TMEM232: variants seen among roughly 807,000 people sequenced by gnomAD.
The protein encoded by TMEM232 is transmembrane protein 232.
Under a neutral mutation model 78.8 loss-of-function variants are expected in TMEM232, and 80 were observed. The observed-to-expected ratio is 1.01, with a 90% CI of 0.85 to 1.22. The LOEUF (loss-of-function observed/expected upper bound fraction) is 1.22. Among genes scored for constraint, TMEM232 ranks in the 50% most tolerant of loss-of-function variants. The pLI is 0.00. For missense variants in TMEM232, 881 were observed against 742.2 expected, an observed-to-expected ratio of 1.19 and a Z score of -2.17; for synonymous variants, 297 against 254.3, an observed-to-expected ratio of 1.17 and a Z score of -1.60.
chr5:110,565,000 C>A (rs1776176714), intron 11 of TMEM232, among the ~76,000 whole-genome samples: 1 of 151,866 alleles, frequency 6.6e-6, no homozygotes, highest in African/African-American at 2.4e-5. Flanking sequence ...TGTAAGAAAC[C>A]AACACAATAA....
chr5:110,468,705 G>A (rs1438875921), intron 12 of TMEM232, among the ~76,000 whole-genome samples: 1 of 152,058 alleles, frequency 6.6e-6, no homozygotes, highest in African/African-American at 2.4e-5. Flanking sequence ...CTTAATAGAT[G>A]AATGAACATA....
At chr5:110,681,860 C>A (rs975240015) in intron 1 of TMEM232, among the ~76,000 whole-genome samples, 1 of 152,160 alleles carries the variant, frequency 6.6e-6, no homozygotes, top group African/African-American at 2.4e-5. Context: ...CATAACATTT[C>A]ATTCCTTCTC....
At chr5:110,598,946 G>T (rs1486479946) in intron 10 of TMEM232, among the ~76,000 whole-genome samples, 2 of 150,994 alleles carry the variant, frequency 1.3e-5, no homozygotes, top group Non-Finnish European at 3.0e-5. Context: ...CACCAGCATG[G>T]CACATGTATA....
At chr5:110,526,952 C>T (rs1770697630) in intron 12 of TMEM232, among the ~76,000 whole-genome samples, 1 of 151,406 alleles carries the variant, frequency 6.6e-6, no homozygotes, top group African/African-American at 2.4e-5. Flanking sequence ...ATGCAAGATG[C>T]CAAATATTAT....
intron 1 of TMEM232, among the ~76,000 whole-genome samples, chr5:110,673,648 A>G (rs1371684168): frequency 2.0e-5 from 3 of 152,144 alleles, no homozygotes; most frequent in African/African-American, 7.2e-5. Context: ...TATGAGGTAG[A>G]AGTTGGGCTG....
chr5:110,640,889 A>G lies in TMEM232; in HGVS notation c.343+2T>C, dbSNP rs1272103940. ...TGCCTAATAAGAATTTAAAGTACGT[A>G]CCATCTTGGATTTCCCCTTTGCATT... On this transcript the variant is annotated splice_donor_variant, in intron 4 of 13. Coordinates refer to ENST00000455884, the MANE Select transcript of TMEM232 (RefSeq NM_001039763.4). LOFTEE classifies it high-confidence loss of function. The G allele has an allele frequency of 7.3e-6, 11 of 1,511,556 alleles. No individual in the cohort carries two copies. Among genetic ancestry groups the G allele is most frequent in the Non-Finnish European group, 9.8e-6 (11 of 1,125,680 alleles). 93.6% of individuals were successfully genotyped at this position (1,511,556 alleles called of 1,614,324 possible).
At chr5:110,590,201 G>A (rs1779333045) in intron 10 of TMEM232, among the ~76,000 whole-genome samples, 1 of 152,128 alleles carries the variant, frequency 6.6e-6, no homozygotes, top group African/African-American at 2.4e-5. Context: ...ATAGCCATTT[G>A]ACTCTGTGAA....
At position 110,455,380 on chromosome 5, in the gene TMEM232, C is replaced by CA. The variant is rs1554081774; in HGVS notation, c.1704-30465_1704-30464insT. Among the ~76,000 whole-genome samples, 46 of 142,938 alleles carry CA rather than the reference C, an allele frequency of 3.2e-4. 1 individual carries two copies. The highest frequency in any genetic ancestry group is 1.2e-3 in the African/African-American group (46 of 39,168). 93.8% of individuals were successfully genotyped at this position (142,938 alleles called of 152,430 possible). On this transcript the variant is annotated intron_variant, in intron 12 of 13. Coordinates refer to ENST00000455884, the MANE Select transcript of TMEM232 (RefSeq NM_001039763.4). ...TATTTCTCATGAAAGTAGATATAAA[C>CA]TTTTTTTTTTTTTTTGAGATGGAGT...
intron 2 of TMEM232, among the ~76,000 whole-genome samples, chr5:110,403,035 AAAAG>A (rs1426870317): frequency 6.6e-6 from 1 of 152,086 alleles, no homozygotes; most frequent in African/African-American, 2.4e-5. Flanking sequence ...AACAAAAAGA[AAAAG>A]AAAAGAAGAC....
intron 3 of TMEM232, among the ~76,000 whole-genome samples, chr5:110,392,732 A>G (rs1407315429): frequency 6.6e-6 from 1 of 152,100 alleles, no homozygotes; most frequent in Non-Finnish European, 1.5e-5. Context: ...TCCAAATACC[A>G]CCATATTGTG....
chr5:110,547,273 G>A (rs1444774256), intron 11 of TMEM232, among the ~76,000 whole-genome samples: 1 of 152,058 alleles, frequency 6.6e-6, no homozygotes, highest in African/African-American at 2.4e-5. Context: ...GTAAATAGAT[G>A]TTTGTTCTTT....
chr5:110,439,549 A>T (rs1045958349), intron 12 of TMEM232, among the ~76,000 whole-genome samples: 1 of 151,856 alleles, frequency 6.6e-6, no homozygotes, highest in Non-Finnish European at 1.5e-5. Context: ...TCCCATCCCA[A>T]GGGGCTCTGT....
intron 12 of TMEM232, among the ~76,000 whole-genome samples, chr5:110,508,155 C>A (rs1351136962): frequency 5.9e-5 from 9 of 152,028 alleles, no homozygotes; most frequent in Admixed American, 5.2e-4. Flanking sequence ...TCTGGCTCAA[C>A]AAGACTCAGG....
rs114178743 is a variant in TMEM232 at position 110,686,565 on chromosome 5, G to C, written c.-12-19201C>G. On this transcript the variant is annotated intron_variant, in intron 1 of 13. Transcript: ENST00000455884. ...AGTCAACTCCAAAACTGTGCGAGTT[G>C]ATAAAAAAAAAAATTGTTTTAAGCC... Among the ~76,000 whole-genome samples, 1,027 of 150,980 alleles carry C rather than the reference G, an allele frequency of 6.8e-3. 11 individuals are homozygous for C. The highest frequency in any genetic ancestry group is 0.023 in the African/African-American group (961 of 41,192).
At chr5:110,461,928 T>C (rs1761577565) in intron 12 of TMEM232, among the ~76,000 whole-genome samples, 1 of 152,216 alleles carries the variant, frequency 6.6e-6, no homozygotes, top group Non-Finnish European at 1.5e-5. Flanking sequence ...CCATTGACAA[T>C]GCACCTAGTT....
chr5:110,623,253 T>C (rs1784006829), intron 7 of TMEM232, among the ~76,000 whole-genome samples: 1 of 152,078 alleles, frequency 6.6e-6, no homozygotes, highest in South Asian at 2.1e-4. Flanking sequence ...TGTATCCTAA[T>C]GTATCGTAAT....
intron 7 of TMEM232, 61 bp from the exon 8 acceptor site, chr5:110,618,623 T>G: frequency 2.8e-6 from 4 of 1,408,222 alleles, no homozygotes; most frequent in Non-Finnish European, 3.8e-6. Flanking sequence ...AAGAGTACTC[T>G]GACTTGAACA....
chr5:110,648,429 T>C (rs1204719000), intron 2 of TMEM232, among the ~76,000 whole-genome samples: 1 of 152,088 alleles, frequency 6.6e-6, no homozygotes, highest in Non-Finnish European at 1.5e-5. Flanking sequence ...ATATGTCCTA[T>C]GTACCAGGGA....
At chr5:110,516,735 A>G (rs1322214056) in intron 12 of TMEM232, among the ~76,000 whole-genome samples, 2 of 152,222 alleles carry the variant, frequency 1.3e-5, no homozygotes, top group East Asian at 3.8e-4. Context: ...ATAAAGAAAA[A>G]AAGTCAAACC....
Sources: gnomAD v4.1 joint callset for allele counts (sites outside exome capture counted in the v4.1 genomes callset) on GRCh38, gnomAD v4.1.1 for gene constraint, MANE v1.5 for transcripts, NCBI Gene and HGNC (gene_info 2026-07-23, HGNC 2026-07-21) for gene names.